The following ZNF292 variants were observed in gnomAD, a reference collection of about 807,000 sequenced individuals.
ZNF292 encodes zinc finger protein 292.
ZNF292 carries 26 observed loss-of-function variants against 217.9 expected under a neutral mutation model. The ratio of observed to expected loss-of-function variants is 0.12; its 90% CI spans 0.09 to 0.17. ZNF292 has a LOEUF of 0.17. Among genes scored for constraint, ZNF292 ranks in the 10% least tolerant of loss-of-function variants. ZNF292 has a pLI of 1.00. For synonymous variants in ZNF292, 1,257 were observed against 1,124.1 expected (o/e 1.12, Z -2.37); for missense variants, 2,904 against 3,175.2 (o/e 0.91, Z 2.05).
intron 1 of ZNF292, among the ~76,000 whole-genome samples, chr6:87,178,516 G>C (rs1417325974): frequency 6.6e-6 from 1 of 152,146 alleles, no homozygotes; most frequent in Non-Finnish European, 1.5e-5. Flanking sequence ...ATAAGTAGTA[G>C]TACTCTTATT....
chr6:87,161,117 C>G (rs983458172), intron 1 of ZNF292, among the ~76,000 whole-genome samples: 2 of 152,116 alleles, frequency 1.3e-5, no homozygotes, highest in South Asian at 2.1e-4. Flanking sequence ...AAACTTTCTA[C>G]TTTCTTAGCA....
intron 1 of ZNF292, among the ~76,000 whole-genome samples, chr6:87,194,173 G>T (rs1219892047): frequency 6.6e-6 from 1 of 152,084 alleles, no homozygotes; most frequent in South Asian, 2.1e-4. Flanking sequence ...CTAAGTAAGT[G>T]TGGAAAACAG....
At chr6:87,168,580 C>T (rs932860403) in intron 1 of ZNF292, among the ~76,000 whole-genome samples, 2 of 152,106 alleles carry the variant, frequency 1.3e-5, no homozygotes, top group African/African-American at 2.4e-5. Context: ...AGTGATTCTC[C>T]TGCCTCAGTC....
intron 7 of ZNF292, among the ~76,000 whole-genome samples, chr6:87,248,829 TACTC>T (rs1200945662): frequency 3.3e-5 from 5 of 152,298 alleles, no homozygotes; most frequent in South Asian, 4.1e-4. Context: ...TCTTCAGTCT[TACTC>T]ACCACTCATA....
intron 1 of ZNF292, chr6:87,170,051 T>C (rs1165708541): frequency 7.9e-5 from 12 of 151,560 alleles, no homozygotes; most frequent in Non-Finnish European, 1.8e-4. Flanking sequence ...ATGATAGATT[T>C]CACTATATAC....
chr6:87,168,131 C>T (rs937353953), intron 1 of ZNF292, among the ~76,000 whole-genome samples: 2 of 152,198 alleles, frequency 1.3e-5, no homozygotes, highest in South Asian at 2.1e-4. Flanking sequence ...TCAGAACAGG[C>T]ACTGTTAGAT....
At chr6:87,181,708 G>A (rs1362779450) in intron 1 of ZNF292, among the ~76,000 whole-genome samples, 1 of 150,698 alleles carries the variant, frequency 6.6e-6, no homozygotes, top group African/African-American at 2.5e-5. Context: ...TTGAGATGAA[G>A]TCTCCCTCTG....
chr6:87,160,395 T>C (rs1770692561), intron 1 of ZNF292, among the ~76,000 whole-genome samples: 1 of 152,184 alleles, frequency 6.6e-6, no homozygotes, highest in Non-Finnish European at 1.5e-5. Context: ...TATTGACCAT[T>C]GATCAGTAGT....
At chr6:87,239,703 C>T (rs539747301) in intron 5 of ZNF292, among the ~76,000 whole-genome samples, 2 of 134,336 alleles carry the variant, frequency 1.5e-5, no homozygotes, top group Non-Finnish European at 3.1e-5. Flanking sequence ...GGGCTCCTCA[C>T]CTCCCAGACG....
Position 87,169,184 on chromosome 6 carries a change from A to G in ZNF292, c.168+13425A>G, listed in dbSNP as rs548193373. 5.9e-5 allele frequency among the ~76,000 whole-genome samples: 9 copies of G among 152,168 alleles called. No individual in the cohort carries two copies. The East Asian group carries it at 1.7e-3, about 29-fold the overall frequency. On this transcript the variant is annotated intron_variant, in intron 1 of 7. Transcript: ENST00000369577. ...CAGCCTGCCGAGCAGCTGCAATTAC[A>G]GGTGCGCCACCATGCCCAGCTAATT...
intron 1 of ZNF292, among the ~76,000 whole-genome samples, chr6:87,205,431 G>T (rs1772221885): frequency 6.6e-6 from 1 of 151,798 alleles, no homozygotes; most frequent in Non-Finnish European, 1.5e-5. Context: ...TCTTAACCTG[G>T]ATTTAGTTTC....
intron 1 of ZNF292, among the ~76,000 whole-genome samples, chr6:87,178,346 G>T (rs1771367652): frequency 6.6e-6 from 1 of 152,128 alleles, no homozygotes; most frequent in African/African-American, 2.4e-5. Flanking sequence ...TCAATTTTTG[G>T]AAGAAAGGTG....
chr6:87,245,706 T>A, intron 7 of ZNF292, 62 bp downstream of exon 7: 1 of 1,084,122 alleles, frequency 9.2e-7, no homozygotes, highest in Non-Finnish European at 1.2e-6. Context: ...TAAAAGACTA[T>A]AACTTTTATG....
chr6:87,181,121 A>G (rs961157629), intron 1 of ZNF292, among the ~76,000 whole-genome samples: 7 of 152,016 alleles, frequency 4.6e-5, no homozygotes, highest in African/African-American at 1.7e-4. Context: ...TTTGAGTGTT[A>G]ATCAGCTCAA....
chr6:87,200,987 A>C (rs912313291), intron 1 of ZNF292, among the ~76,000 whole-genome samples: 1 of 152,198 alleles, frequency 6.6e-6, no homozygotes, highest in Non-Finnish European at 1.5e-5. Context: ...CAAGTGTCTC[A>C]ACCAGAACAA....
chr6:87,202,939 A>ATG (rs1416648529), intron 1 of ZNF292, among the ~76,000 whole-genome samples: 1 of 152,010 alleles, frequency 6.6e-6, no homozygotes, highest in Non-Finnish European at 1.5e-5. Context: ...TCTTAGGTAT[A>ATG]TGTATATATA....
In ZNF292 at chr6:87,262,521, T is replaced by C. The variant is rs992012561; in HGVS notation, c.*720T>C. ...TTCCTATAGCTACAGTTTTTTTTTT[T>C]CATTGCTTCTAATTGGATATAGTTA... On this transcript the variant is annotated 3_prime_UTR_variant, in exon 8 of 8. Transcript: ENST00000369577. 5 of 151,554 alleles carry C rather than the reference T, an allele frequency of 3.3e-5. No individual in the cohort carries two copies. The highest frequency in any genetic ancestry group is 4.9e-5 in the African/African-American group (2 of 41,152). 9.4% of individuals were successfully genotyped at this position (151,554 alleles called of 1,614,324 possible). A position where few individuals can be genotyped will look rare whatever the true frequency, so the allele number is the denominator to read the frequency against.
intron 4 of ZNF292, among the ~76,000 whole-genome samples, chr6:87,220,001 A>G (rs984325385): frequency 6.6e-6 from 1 of 151,772 alleles, no homozygotes; most frequent in Non-Finnish European, 1.5e-5. Context: ...TTGTATTTTT[A>G]TTTTTTGTAG....
rs1370442567 is a variant in ZNF292 at position 87,249,668 on chromosome 6, T to C, written c.1020+4024T>C. ...GTAATAACTCTCTTCATTTTCCATATAGAGAGGTTAACCTCGATGTAGTGA... is the reference window on the plus strand; with the variant it reads ...GTAATAACTCTCTTCATTTTCCATACAGAGAGGTTAACCTCGATGTAGTGA... On this transcript the variant is annotated intron_variant, in intron 7 of 7. Coordinates refer to ENST00000369577, the MANE Select transcript of ZNF292 (RefSeq NM_015021.3). Among the ~76,000 whole-genome samples the C allele has an allele frequency of 6.6e-5, 10 of 152,298 alleles. No homozygotes were observed. The South Asian group carries it at 2.1e-3, about 32-fold the overall frequency.
Sources: allele counts gnomAD v4.1 joint callset (sites outside exome capture counted in the v4.1 genomes callset), GRCh38; gene constraint gnomAD v4.1.1; transcripts MANE v1.5; gene names NCBI Gene and HGNC (gene_info 2026-07-23, HGNC 2026-07-21).